The following GABRB3 variants were observed in gnomAD, a reference collection of about 807,000 sequenced individuals.
GABRB3 encodes gamma-aminobutyric acid type A receptor subunit beta3, also known as gamma-aminobutyric acid receptor subunit beta-3.
A neutral mutation model predicts 52.1 loss-of-function variants in GABRB3; 14 were observed. The ratio of observed to expected loss-of-function variants is 0.27; its 90% CI spans 0.18 to 0.42. The LOEUF (loss-of-function observed/expected upper bound fraction) is 0.42, where lower values mean the gene tolerates loss of function less well. Ranked by LOEUF, GABRB3 falls within the 10% of genes least tolerant of loss-of-function variation. The pLI, the probability that GABRB3 is intolerant of heterozygous loss-of-function variation, is 1.00. For synonymous variants in GABRB3, 260 were observed against 232.3 expected, an observed-to-expected ratio of 1.12 and a Z score of -1.08; for missense variants, 307 against 609.1, an observed-to-expected ratio of 0.50 and a Z score of 5.22.
chr15:26,762,150 T>C (rs1460945924), intron 3 of GABRB3, among the ~76,000 whole-genome samples: 1 of 152,166 alleles, frequency 6.6e-6, no homozygotes, highest in East Asian at 1.9e-4. Context: ...CATTTATTCT[T>C]ATAATAGGTA....
chr15:26,673,814 TGG>T (rs1248491104), intron 3 of GABRB3, among the ~76,000 whole-genome samples: 4 of 152,182 alleles, frequency 2.6e-5, no homozygotes, highest in Non-Finnish European at 5.9e-5. Flanking sequence ...ATTCTTGGAA[TGG>T]AATAGAGCTA....
intron 6 of GABRB3, among the ~76,000 whole-genome samples, chr15:26,579,439 A>G (rs1401908171): frequency 6.6e-6 from 1 of 152,198 alleles, no homozygotes; most frequent in Non-Finnish European, 1.5e-5. Context: ...AGCCACATGA[A>G]GGCGAAGCTG....
chr15:26,735,889 A>G (rs1162961571), intron 3 of GABRB3, among the ~76,000 whole-genome samples: 1 of 151,052 alleles, frequency 6.6e-6, no homozygotes. Context: ...CAGGAGGTTG[A>G]GGCTGCAGTG....
intron 4 of GABRB3, among the ~76,000 whole-genome samples, chr15:26,593,486 C>G (rs1372715072): frequency 1.3e-5 from 2 of 152,148 alleles, no homozygotes; most frequent in African/African-American, 4.8e-5. Context: ...AACCCCAGGC[C>G]CAGTAACCTG....
intron 3 of GABRB3, among the ~76,000 whole-genome samples, chr15:26,670,580 C>T (rs908520018): frequency 1.3e-5 from 2 of 152,170 alleles, no homozygotes; most frequent in African/African-American, 2.4e-5. Context: ...CACAGGAGCC[C>T]GCTCCGGCCG....
At chr15:26,554,035 A>ATATATATATATATATATATATATT (rs1555400769) in intron 8 of GABRB3, among the ~76,000 whole-genome samples, 13 of 80,388 alleles carry the variant, frequency 1.6e-4, no homozygotes, top group African/African-American at 6.5e-4. Flanking sequence ...ATATATATAT[A>ATATATATATATATATATATATATT]TTTATTTATT....
chr15:26,633,598 C>T (rs1157766661), intron 3 of GABRB3, among the ~76,000 whole-genome samples: 1 of 152,178 alleles, frequency 6.6e-6, no homozygotes, highest in African/African-American at 2.4e-5. Context: ...CTTGTGCAAG[C>T]TGACTCCCAG....
At chr15:26,754,495 G>A (rs1890602592) in intron 3 of GABRB3, among the ~76,000 whole-genome samples, 1 of 152,204 alleles carries the variant, frequency 6.6e-6, no homozygotes, top group Non-Finnish European at 1.5e-5. Flanking sequence ...CACAATCAAT[G>A]TGGAAAAATC....
chr15:26,703,879 G>A (rs1595540045), intron 3 of GABRB3, among the ~76,000 whole-genome samples: 5 of 152,216 alleles, frequency 3.3e-5, no homozygotes, highest in Admixed American at 2.6e-4. Flanking sequence ...CCACTTTGCT[G>A]GCTTTGCGGG....
chr15:26,693,411 C>G (rs1324575458), intron 3 of GABRB3, among the ~76,000 whole-genome samples: 1 of 152,170 alleles, frequency 6.6e-6, no homozygotes, highest in Non-Finnish European at 1.5e-5. Context: ...CCTGCGAGAT[C>G]ATGCTAAATA....
At chr15:26,767,042 G>T (rs1891016708) in intron 3 of GABRB3, 1 of 152,176 alleles carries the variant, frequency 6.6e-6, no homozygotes, top group Non-Finnish European at 1.5e-5. Context: ...TTCCATCTCT[G>T]AAGTTCATTA....
chr15:26,677,456 C>G (rs1215550974), intron 3 of GABRB3, among the ~76,000 whole-genome samples: 1 of 152,070 alleles, frequency 6.6e-6, no homozygotes, highest in Admixed American at 6.6e-5. Context: ...TACAGGAAGC[C>G]AAGGGCTCTG....
In GABRB3 at chr15:26,585,035, G is replaced by C. The variant is rs557812739; in HGVS notation, c.462-1621C>G. 6.4e-4 allele frequency among the ~76,000 whole-genome samples: 97 copies of C among 152,322 alleles called. 1 individual carries two copies. Among genetic ancestry groups the C allele is most frequent in the African/African-American group, 2.2e-3 (93 of 41,586 alleles). On this transcript the variant is annotated intron_variant, in intron 4 of 8. Coordinates refer to ENST00000311550, the MANE Select transcript of GABRB3 (RefSeq NM_000814.6). ...TGCTGTTTTCAAACTGGAGAGCAAA[G>C]GATGAGAAAGCATCATAGAGGGAGA...
chr15:26,770,221 T>C (rs2140195877), intron 3 of GABRB3, among the ~76,000 whole-genome samples: 1 of 152,334 alleles, frequency 6.6e-6, no homozygotes, highest in Non-Finnish European at 1.5e-5. Flanking sequence ...CATTCACATC[T>C]GCCCAATAGC....
chr15:26,568,720 T>C (rs557720104), intron 6 of GABRB3, among the ~76,000 whole-genome samples: 4 of 145,114 alleles, frequency 2.8e-5, no homozygotes, highest in African/African-American at 9.9e-5. Context: ...TTTCACCATA[T>C]TGGCCAGACT....
chr15:26,611,198 A>T (rs1566773504), intron 4 of GABRB3, among the ~76,000 whole-genome samples: 1 of 152,204 alleles, frequency 6.6e-6, no homozygotes, highest in African/African-American at 2.4e-5. Context: ...AACTCTTTAA[A>T]AAATGAAAGG....
chr15:26,671,878 T>A (rs1192973362), intron 3 of GABRB3, among the ~76,000 whole-genome samples: 1 of 152,176 alleles, frequency 6.6e-6, no homozygotes. Context: ...TCTCTCCTAG[T>A]CACTGTCTCA....
intron 3 of GABRB3, among the ~76,000 whole-genome samples, chr15:26,742,583 G>A (rs1261420721): frequency 6.6e-6 from 1 of 152,140 alleles, no homozygotes. Flanking sequence ...CTTTGCCAAG[G>A]CTTGACGCAC....
chr15:26,755,290 C>G (rs895039837), intron 3 of GABRB3, among the ~76,000 whole-genome samples: 1 of 152,062 alleles, frequency 6.6e-6, no homozygotes, highest in Admixed American at 6.6e-5. Context: ...CAGGTGTGAG[C>G]CACCGCACCC....
Sources: allele counts gnomAD v4.1 joint callset (sites outside exome capture counted in the v4.1 genomes callset), GRCh38; gene constraint gnomAD v4.1.1; transcripts MANE v1.5; gene names NCBI Gene and HGNC (gene_info 2026-07-23, HGNC 2026-07-21).